The following PRCC variants were observed in gnomAD, a reference collection of about 807,000 sequenced individuals.
PRCC encodes proline rich mitotic checkpoint control factor, also known as proline-rich protein PRCC.
A neutral mutation model predicts 44.0 loss-of-function variants in PRCC; 10 were observed. The observed-to-expected ratio is 0.23, with a 90% confidence interval of 0.14 to 0.39. The LOEUF (loss-of-function observed/expected upper bound fraction) is 0.39, where lower values mean the gene tolerates loss of function less well. Among genes scored for constraint, PRCC ranks in the 10% least tolerant of loss-of-function variants. The pLI is 1.00. For missense variants in PRCC, 573 were observed against 624.7 expected, an observed-to-expected ratio of 0.92 and a Z score of 0.88; for synonymous variants, 278 against 259.5, an observed-to-expected ratio of 1.07 and a Z score of -0.69.
Position 156,786,947 on chromosome 1 carries a change from C to G in PRCC, c.856C>G (p.Pro286Ala), listed in dbSNP as rs141772031. ...FFSLPEKAEPPGVEPYPYPIP... is the reference protein window; with the variant it reads ...FFSLPEKAEPAGVEPYPYPIP... ...CTCCCTCCCTGAAAAGGCTGAGCCA[C>G]CTGGAGTTGAGCCATACCCTTACCC... is the stretch of plus-strand genomic sequence containing the variant. The change falls in exon 3 of 7, where the codon CCT becomes GCT. Residue 286 changes from proline (P) to alanine (A), a missense_variant. Pro to Ala is a conservative substitution (Grantham distance 27). This residue lies in a region of PRCC where 141 missense variants were observed against 130.2 expected (regional missense o/e 1.08). Transcript: ENST00000271526. 107 of 1,614,236 alleles carry G rather than the reference C, an allele frequency of 6.6e-5. No individual in the cohort carries two copies. In the African/African-American group the frequency reaches 1.2e-3, roughly 18 times the overall value.
chr1:156,770,842 G>A (rs1363019800), intron 1 of PRCC, among the ~76,000 whole-genome samples: 3 of 152,218 alleles, frequency 2.0e-5, no homozygotes, highest in Non-Finnish European at 2.9e-5. Flanking sequence ...GTAATTAGAA[G>A]TAATTAACTC....
Position 156,768,043 on chromosome 1 carries a change from C to G in PRCC, c.272C>G (p.Pro91Arg), listed in dbSNP as rs571619164. The G allele has an allele frequency of 1.9e-6, 3 of 1,580,270 alleles. No individual in the cohort carries two copies. In the East Asian group the frequency reaches 6.9e-5, roughly 36 times the overall value. ...TTGCCCTTCGGCCTGGGAGGCTTCC[C>G]CCCACCTCCAGGCGTGAGCCCGGCT... ...PPLPFGLGGF[P>R]PPPGVSPAEA... The change falls in exon 1 of 7, where the codon CCC becomes CGC. Residue 91 changes from proline to arginine, a missense_variant. This residue lies in a region of PRCC where 245 missense variants were observed against 188.5 expected (regional missense o/e 1.30). Coordinates refer to ENST00000271526, the MANE Select transcript of PRCC (RefSeq NM_005973.5).
intron 3 of PRCC, among the ~76,000 whole-genome samples, chr1:156,789,551 A>AAGGGAG (rs1247520308): frequency 1.3e-5 from 2 of 152,260 alleles, no homozygotes; most frequent in East Asian, 3.9e-4. Context: ...GAAAAACAGG[A>AAGGGAG]AGGGAGAGTT....
intron 4 of PRCC, among the ~76,000 whole-genome samples, chr1:156,793,302 A>G (rs1019086859): frequency 2.0e-5 from 3 of 152,228 alleles, no homozygotes; most frequent in Non-Finnish European, 2.9e-5. Flanking sequence ...TCTTCTAGGT[A>G]GAGTGAGTAT....
intron 1 of PRCC, among the ~76,000 whole-genome samples, chr1:156,779,829 A>G (rs1191690238): frequency 1.3e-5 from 2 of 151,620 alleles, no homozygotes; most frequent in African/African-American, 2.4e-5. Context: ...TGATTCTCCA[A>G]TTTTGGAGTG....
chr1:156,792,510 C>T (rs968398914), intron 4 of PRCC, among the ~76,000 whole-genome samples: 2 of 152,078 alleles, frequency 1.3e-5, no homozygotes, highest in African/African-American at 2.4e-5. Context: ...TATGGTGGCA[C>T]GATCTCAGCT....
intron 2 of PRCC, among the ~76,000 whole-genome samples, chr1:156,785,052 T>C (rs998492365): frequency 6.6e-6 from 1 of 152,170 alleles, no homozygotes. Flanking sequence ...AAACTACCTC[T>C]GTATGTATGA....
chr1:156,785,136 T>A (rs1392241014), intron 2 of PRCC, among the ~76,000 whole-genome samples: 1 of 152,194 alleles, frequency 6.6e-6, no homozygotes, highest in African/African-American at 2.4e-5. Context: ...ATTTGCAAGC[T>A]GAGTAAGTCT....
chr1:156,779,864 G>T (rs1651988283), intron 1 of PRCC, among the ~76,000 whole-genome samples: 1 of 151,530 alleles, frequency 6.6e-6, no homozygotes, highest in African/African-American at 2.4e-5. Context: ...CAAAGTGCCA[G>T]GATTACAGGT....
chr1:156,778,069 C>T (rs1239889747), intron 1 of PRCC, among the ~76,000 whole-genome samples: 1 of 152,094 alleles, frequency 6.6e-6, no homozygotes, highest in Non-Finnish European at 1.5e-5. Flanking sequence ...ATTTGAAATT[C>T]ACTCTCAGCA....
intron 3 of PRCC, among the ~76,000 whole-genome samples, chr1:156,788,363 T>C (rs1652350370): frequency 6.6e-6 from 1 of 152,248 alleles, no homozygotes; most frequent in Non-Finnish European, 1.5e-5. Context: ...TAGTATTCCA[T>C]GGTATATATG....
intron 1 of PRCC, among the ~76,000 whole-genome samples, chr1:156,769,641 C>T (rs1571569246): frequency 6.6e-6 from 1 of 151,902 alleles, no homozygotes; most frequent in Non-Finnish European, 1.5e-5. Context: ...CCTCTGTAGC[C>T]CAGGCTGCAG....
chr1:156,767,928 C>T lies in PRCC; in HGVS notation c.157C>T (p.Pro53Ser), dbSNP rs766451702. 5 of 1,594,148 alleles carry T rather than the reference C, an allele frequency of 3.1e-6. No homozygotes were observed. The South Asian group carries it at 5.7e-5, about 18-fold the overall frequency. Residue 53 changes from proline (P) to serine (S), a missense_variant, in exon 1 of 7, where the codon CCG (proline) becomes TCG (serine). Physicochemically the swap from Pro to Ser is moderately conservative, Grantham distance 74. Transcript: ENST00000271526. ...GCCCAAGGGTCCGGCCTTGCTGCCT[C>T]CGCCCCCTCAGATGCTGGCGCCAGC... ...PAPKGPALLP[P>S]PPQMLAPAFP...
chr1:156,796,960 C>T (rs1652679138), intron 5 of PRCC: 1 of 303,340 alleles, frequency 3.3e-6, no homozygotes, highest in Admixed American at 4.5e-5. Flanking sequence ...CAGACAGAAC[C>T]CCATGCTGGG....
chr1:156,780,984 C>T (rs1652029177), intron 1 of PRCC, among the ~76,000 whole-genome samples: 1 of 152,156 alleles, frequency 6.6e-6, no homozygotes, highest in Non-Finnish European at 1.5e-5. Context: ...CTGTCTTGGC[C>T]TCTCAAAGTA....
At position 156,782,147 on chromosome 1, in the gene PRCC, G is replaced by T. The variant is rs1485079098; in HGVS notation, c.469-135G>T. On this transcript the variant is annotated intron_variant, in intron 1 of 6. Transcript: ENST00000271526. ...TGTGTTGTTTGACTGGGCCTGGGGT[G>T]AGTGTACCTCTGTACAGAGGTGGGG... is the stretch of plus-strand genomic sequence containing the variant. 9.3e-6 allele frequency: 6 copies of T among 646,580 alleles called. No individual in the cohort carries two copies. The East Asian group carries it at 1.5e-4, about 16-fold the overall frequency. 40.1% of individuals were successfully genotyped at this position (646,580 alleles called of 1,614,324 possible).
intron 1 of PRCC, among the ~76,000 whole-genome samples, chr1:156,775,062 C>T (rs1435460966): frequency 6.6e-6 from 1 of 151,550 alleles, no homozygotes; most frequent in Non-Finnish European, 1.5e-5. Flanking sequence ...TCCTGGCTAA[C>T]ACGGTGAAAC....
In PRCC at chr1:156,780,391, T is replaced by A. The variant is rs184672530; in HGVS notation, c.469-1891T>A. On this transcript the variant is annotated intron_variant, in intron 1 of 6. Coordinates refer to ENST00000271526, the MANE Select transcript of PRCC (RefSeq NM_005973.5). ...GGTAAATTCTATTGTTAATTTTTTTTAAATTTATTTTAAATTTTTTTTTTA... is the reference window on the plus strand; with the variant it reads ...GGTAAATTCTATTGTTAATTTTTTTAAAATTTATTTTAAATTTTTTTTTTA... Among the ~76,000 whole-genome samples the A allele has an allele frequency of 3.1e-3, 466 of 151,784 alleles. 2 individuals carry two copies. The highest frequency in any genetic ancestry group is 4.4e-3 in the Non-Finnish European group (298 of 67,898).
In PRCC at chr1:156,782,306, A is replaced by G; in HGVS notation, c.493A>G (p.Thr165Ala). The change falls in exon 2 of 7, where the codon ACA (threonine) becomes GCA (alanine). Residue 165 changes from threonine to alanine, a missense_variant. Coordinates refer to ENST00000271526, the MANE Select transcript of PRCC (RefSeq NM_005973.5). ...GDSDSEEDEP[T>A]KKKTILQGSS... ...GTCAGATTCTGAGGAAGATGAACCC[A>G]CAAAGAAGAAAACTATCCTTCAGGT... The G allele has an allele frequency of 1.9e-6, 3 of 1,608,244 alleles. No homozygotes were observed. The highest frequency in any genetic ancestry group is 2.6e-6 in the Non-Finnish European group (3 of 1,175,306).
Sources: allele counts gnomAD v4.1 joint callset (sites outside exome capture counted in the v4.1 genomes callset), GRCh38; gene constraint gnomAD v4.1.1; regional missense constraint gnomAD v4.1.1; transcripts MANE v1.5; gene names NCBI Gene and HGNC (gene_info 2026-07-23, HGNC 2026-07-21).